The following RUBCN variants were observed in gnomAD, a reference collection of about 807,000 sequenced individuals.
RUBCN encodes run domain Beclin-1-interacting and cysteine-rich domain-containing protein.
In RUBCN, 74 loss-of-function variants were observed where a neutral mutation model predicts 113.2. That is an observed-to-expected ratio of 0.65 (90% CI 0.54 to 0.79). The LOEUF (loss-of-function observed/expected upper bound fraction) is 0.79. RUBCN is among the 30% of genes least tolerant of loss of function. The pLI is 0.00. For synonymous variants in RUBCN, 480 were observed against 490.0 expected, an observed-to-expected ratio of 0.98 and a Z score of 0.27; for missense variants, 1,109 against 1,251.7, an observed-to-expected ratio of 0.89 and a Z score of 1.72.
Position 197,704,181 on chromosome 3 carries a change from T to A in RUBCN, c.463+361A>T, listed in dbSNP as rs571102445. 7.9e-5 allele frequency among the ~76,000 whole-genome samples: 12 copies of A among 152,260 alleles called. No individual in the cohort carries two copies. In the East Asian group the frequency reaches 2.3e-3, roughly 29 times the overall value. ...CCGGGCACGGTAGTCACGCCTGTAA[T>A]CCCAGCACTTTGGGAGGCCAAAGCG... is the stretch of plus-strand genomic sequence containing the variant. On this transcript the variant is annotated intron_variant, in intron 4 of 19. Transcript: ENST00000296343.
intron 1 of RUBCN, among the ~76,000 whole-genome samples, chr3:197,734,762 C>G (rs1379007001): frequency 1.3e-5 from 2 of 152,102 alleles, no homozygotes; most frequent in Non-Finnish European, 2.9e-5. Flanking sequence ...ACCTTTCACA[C>G]GAAGCACGTC....
Position 197,669,004 on chromosome 3 carries a change from T to C in RUBCN, c.*6014A>G, listed in dbSNP as rs1719568099. On this transcript the variant is annotated 3_prime_UTR_variant, in exon 20 of 20. Coordinates refer to ENST00000296343, the MANE Select transcript of RUBCN (RefSeq NM_014687.4). ...TTTACGTATGTTTTCCTTATGTATT[T>C]TTTCTAACCATATTTTTGCATAACT... is the stretch of plus-strand genomic sequence containing the variant. Among the ~76,000 whole-genome samples the C allele has an allele frequency of 6.6e-6, 1 of 152,240 alleles. No individual in the cohort carries two copies. The highest frequency in any genetic ancestry group is 1.5e-5 in the Non-Finnish European group (1 of 68,046).
At chr3:197,682,046 C>T (rs1721304047) in intron 14 of RUBCN, 147 bp from the exon 15 acceptor site, 8 of 723,016 alleles carry the variant, frequency 1.1e-5, no homozygotes, top group African/African-American at 3.5e-5. Context: ...CAAAAATGAA[C>T]CTATTGGGAG....
rs1476484577 is a variant in RUBCN, at chr3:197,725,613, T to C, written c.66-7483A>G. 2.8e-5 allele frequency among the ~76,000 whole-genome samples: 4 copies of C among 142,780 alleles called. No homozygotes were observed. In the Admixed American group the frequency reaches 3.1e-4, roughly 11 times the overall value. 93.7% of individuals were successfully genotyped at this position (142,780 alleles called of 152,430 possible). A position where few individuals can be genotyped will look rare whatever the true frequency, so the allele number is the denominator to read the frequency against. ...TCTTGGGCTCAAGCAACCATCTGCCTCGGCCTCCTAAAGTGCTAGGATTAC... is the reference window on the plus strand; with the variant it reads ...TCTTGGGCTCAAGCAACCATCTGCCCCGGCCTCCTAAAGTGCTAGGATTAC... On this transcript the variant is annotated intron_variant, in intron 1 of 19. Coordinates refer to ENST00000296343, the MANE Select transcript of RUBCN (RefSeq NM_014687.4).
rs765783154 is a variant in RUBCN, at chr3:197,675,224, G to A, written c.2741-28C>T. 177 of 1,612,426 alleles carry A rather than the reference G, an allele frequency of 1.1e-4. No homozygotes were observed. In the East Asian group the frequency reaches 3.8e-3, roughly 35 times the overall value. On this transcript the variant is annotated intron_variant, in intron 19 of 19. Coordinates refer to ENST00000296343, the MANE Select transcript of RUBCN (RefSeq NM_014687.4). The surrounding 1 kb of genome is among the most constrained non-coding windows in gnomAD (Gnocchi z 4.4). ...ACTCAGGTTGGGAAGGTGGGGGAGAGAAGAAAACAATTTGTATTATCTCCA... is the reference window on the plus strand; with the variant it reads ...ACTCAGGTTGGGAAGGTGGGGGAGAAAAGAAAACAATTTGTATTATCTCCA...
intron 11 of RUBCN, among the ~76,000 whole-genome samples, chr3:197,690,229 C>T (rs9879173): frequency 0.049 from 7,521 of 152,166 alleles, 601 homozygotes; most frequent in African/African-American, 0.17. Context: ...GACGAGGTCA[C>T]GAGTTTGAGA....
At chr3:197,715,687 A>C (rs573372375) in intron 2 of RUBCN, among the ~76,000 whole-genome samples, 1 of 152,346 alleles carries the variant, frequency 6.6e-6, no homozygotes, top group South Asian at 2.1e-4. Context: ...GAAGGAGCTG[A>C]AAACTGAATC....
intron 1 of RUBCN, among the ~76,000 whole-genome samples, chr3:197,729,001 C>T (rs1247947777): frequency 6.6e-6 from 1 of 151,932 alleles, no homozygotes; most frequent in Non-Finnish European, 1.5e-5. Flanking sequence ...CGGTGGCTCA[C>T]GCCTGTAATC....
At chr3:197,685,191 C>A (rs1480868788) in intron 11 of RUBCN, among the ~76,000 whole-genome samples, 1 of 152,326 alleles carries the variant, frequency 6.6e-6, no homozygotes, top group South Asian at 2.1e-4. Context: ...TACCCAAATA[C>A]TTTTGATGGG....
chr3:197,680,291 C>T (rs1463492104), intron 16 of RUBCN, among the ~76,000 whole-genome samples: 62 of 126,154 alleles, frequency 4.9e-4, no homozygotes, highest in Admixed American at 2.0e-3. Context: ...GACTGTCCTA[C>T]GCTCTGACAA....
At chr3:197,705,041 C>G in intron 3 of RUBCN, 51 bp downstream of exon 3, 1 of 1,398,266 alleles carries the variant, frequency 7.2e-7, no homozygotes, top group African/African-American at 1.4e-5. Context: ...GAGCCTCAAA[C>G]AGTGAAGACC....
chr3:197,683,585 T>C lies in RUBCN; in HGVS notation c.1848-146A>G. 1 of 891,270 alleles carries C rather than the reference T, an allele frequency of 1.1e-6. No individual in the cohort carries two copies. Among genetic ancestry groups the C allele is most frequent in the Admixed American group, 2.0e-5 (1 of 49,996 alleles). The allele number at this position is 891,270 out of a possible 1,614,324, so 55.2% of individuals were successfully genotyped here. A position where few individuals can be genotyped will look rare whatever the true frequency, so the allele number is the denominator to read the frequency against. On this transcript the variant is annotated intron_variant, in intron 12 of 19. Coordinates refer to ENST00000296343, the MANE Select transcript of RUBCN (RefSeq NM_014687.4). This position sits in a 1 kb window ranked among gnomAD's most constrained non-coding sequence, Gnocchi z 4.6. ...CTGGCCTGCTCATCACCCTCACACA[T>C]GGGACAGTCAAAGTCCACTAGTCTC...
At chr3:197,720,482 A>T (rs773682363) in intron 1 of RUBCN, among the ~76,000 whole-genome samples, 3 of 151,692 alleles carry the variant, frequency 2.0e-5, no homozygotes, top group Non-Finnish European at 4.4e-5. Flanking sequence ...ATCTTGGCTC[A>T]CTGCAACCTC....
In RUBCN at chr3:197,728,447, A is replaced by G. The variant is rs374637636; in HGVS notation, c.65+8208T>C. Among the ~76,000 whole-genome samples, 24 of 152,364 alleles carry G rather than the reference A, an allele frequency of 1.6e-4. No individual in the cohort carries two copies. The South Asian group carries it at 1.7e-3, about 11-fold the overall frequency. ...AGCTCTATGTAAACTGTTAACTCCT[A>G]GAATAATCAAACAGGGACGGGAAAG... On this transcript the variant is annotated intron_variant, in intron 1 of 19. Transcript: ENST00000296343.
chr3:197,747,503 G>C (rs1457335383), intron 1 of RUBCN, among the ~76,000 whole-genome samples: 1 of 151,892 alleles, frequency 6.6e-6, no homozygotes, highest in Non-Finnish European at 1.5e-5. Flanking sequence ...TTACAAGCGT[G>C]AGCCACTGCA....
Position 197,681,826 on chromosome 3 carries a change from G to A in RUBCN, c.2191+9C>T, listed in dbSNP as rs1035067120. On this transcript the variant is annotated intron_variant, in intron 15 of 19. Transcript: ENST00000296343. The surrounding 1 kb of genome is among the most constrained non-coding windows in gnomAD (Gnocchi z 5.5). ...TGGAGGCAGCATGGTGGGAAGGGAA[G>A]GCACTCACCAGGGTCAGTCCGGATG... 6.2e-7 allele frequency: 1 copy of A among 1,612,418 alleles called. No homozygotes were observed.
chr3:197,745,712 T>C (rs573957576), intron 1 of RUBCN, among the ~76,000 whole-genome samples: 16 of 151,468 alleles, frequency 1.1e-4, no homozygotes, highest in Admixed American at 1.1e-3. Flanking sequence ...GTGCACATTA[T>C]GAAAAAGGAG....
chr3:197,688,396 C>T (rs567825412), intron 11 of RUBCN, among the ~76,000 whole-genome samples: 6 of 152,188 alleles, frequency 3.9e-5, no homozygotes, highest in East Asian at 3.8e-4. Context: ...TGAGCCACCA[C>T]GTGAGGCTTC....
At chr3:197,677,317 A>G (rs1185717831) in intron 17 of RUBCN, among the ~76,000 whole-genome samples, 163 bp downstream of exon 17, 4 of 152,194 alleles carry the variant, frequency 2.6e-5, no homozygotes, top group Non-Finnish European at 4.4e-5. Flanking sequence ...TTCCAGAGAG[A>G]AGGACACAGA....
Sources: gnomAD v4.1 joint callset for allele counts (sites outside exome capture counted in the v4.1 genomes callset) on GRCh38, gnomAD v4.1.1 for gene constraint, Gnocchi (gnomAD v3.1) non-coding constraint, MANE v1.5 for transcripts, NCBI Gene and HGNC (gene_info 2026-07-23, HGNC 2026-07-21) for gene names.